Variants in LDHC observed in about 807,000 individuals in gnomAD.
LDHC encodes L-lactate dehydrogenase C chain.
A neutral mutation model predicts 30.2 loss-of-function variants in LDHC; 20 were observed. That is an observed-to-expected ratio of 0.66 (90% CI 0.47 to 0.96). The LOEUF is 0.96. Ranked by LOEUF, LDHC falls within the 40% of genes least tolerant of loss-of-function variation. LDHC has a pLI of 0.00. For missense variants in LDHC, 362 were observed against 394.9 expected, an observed-to-expected ratio of 0.92 and a Z score of 0.71; for synonymous variants, 139 against 132.7, an observed-to-expected ratio of 1.05 and a Z score of -0.32.
At chr11:18,415,039 A>G (rs1222191990) in intron 2 of LDHC, 145 bp from the exon 3 acceptor site, 2 of 516,474 alleles carry the variant, frequency 3.9e-6, no homozygotes, top group African/African-American at 3.9e-5. Context: ...TCGGTCACCC[A>G]GGCTCATTGA....
chr11:18,450,922 C>T, intron 7 of LDHC, 41 bp from the exon 8 acceptor site: 1 of 1,444,514 alleles, frequency 6.9e-7, no homozygotes, highest in Non-Finnish European at 9.5e-7. Context: ...GCTGCTTTTC[C>T]ATATCAGGTT....
At chr11:18,439,703 G>A (rs948275801) in intron 6 of LDHC, among the ~76,000 whole-genome samples, 1 of 150,750 alleles carries the variant, frequency 6.6e-6, no homozygotes, top group Non-Finnish European at 1.5e-5. Context: ...GGCCAGGCAT[G>A]GTGGCTCACG....
intron 6 of LDHC, among the ~76,000 whole-genome samples, chr11:18,440,144 CAA>C (rs35749455): frequency 1.7e-4 from 14 of 83,018 alleles, no homozygotes; most frequent in South Asian, 4.0e-4. Flanking sequence ...TACTAAAATA[CAA>C]AAAAAAAAAA....
At chr11:18,424,941 G>C (rs1848135266) in intron 3 of LDHC, among the ~76,000 whole-genome samples, 2 of 152,298 alleles carry the variant, frequency 1.3e-5, no homozygotes, top group South Asian at 4.1e-4. Context: ...CTGGGAGGCG[G>C]AAGTTGCAGT....
At chr11:18,425,596 A>G (rs1175926124) in intron 3 of LDHC, among the ~76,000 whole-genome samples, 2 of 151,978 alleles carry the variant, frequency 1.3e-5, no homozygotes, top group African/African-American at 4.8e-5. Context: ...TTGAGTGTAT[A>G]TTTCTTATAT....
At chr11:18,442,657 TCTC>T (rs1848487272) in intron 6 of LDHC, among the ~76,000 whole-genome samples, 3 of 119,878 alleles carry the variant, frequency 2.5e-5, no homozygotes, top group Non-Finnish European at 3.7e-5. Flanking sequence ...TCTTTCTCTC[TCTC>T]TTTTTTTTTT....
intron 3 of LDHC, among the ~76,000 whole-genome samples, chr11:18,416,094 T>C (rs1045028548): frequency 3.3e-5 from 5 of 152,242 alleles, no homozygotes; most frequent in African/African-American, 1.2e-4. Flanking sequence ...ATTGAATCTC[T>C]TCTATTAATG....
rs779414555 is a variant in LDHC, at chr11:18,412,768, A to T, written c.51A>T (p.Glu17Asp). 1.3e-5 allele frequency: 21 copies of T among 1,614,034 alleles called. No homozygotes were observed. The South Asian group carries it at 1.3e-4, about 10-fold the overall frequency. Reference sequence around the variant, plus strand: ...TTGAGAAGCTAATTGAGGATGATGAAAACTCCCAGTGTAAAATTACTATTG... The same window carrying T: ...TTGAGAAGCTAATTGAGGATGATGATAACTCCCAGTGTAAAATTACTATTG... Reference protein sequence around the residue: ...QLIEKLIEDDENSQCKITIVG... With the variant: ...QLIEKLIEDDDNSQCKITIVG... The change falls in exon 2 of 8, where the codon GAA becomes GAT. Residue 17 changes from glutamate to aspartate, a missense_variant. By Grantham distance (45) the Glu-to-Asp change is conservative. Transcript: ENST00000541669.
rs1404743287 is a variant in LDHC at position 18,434,861 on chromosome 11, C to T, written c.540C>T (p.Val180=). The T allele has an allele frequency of 6.2e-7, 1 of 1,612,918 alleles. No homozygotes were observed. The highest frequency in any genetic ancestry group is 8.5e-7 in the Non-Finnish European group (1 of 1,178,934). The part of the protein sequence containing the change: ...FRYLIGEKLG[V]HPTSCHGWII... ...ACCTAATTGGAGAAAAGTTGGGTGT[C>T]CACCCCACAAGCTGCCATGGTTGGA... is the stretch of plus-strand genomic sequence containing the variant. The change falls in exon 5 of 8, where the codon GTC becomes GTT. Residue 180 remains valine (V), a synonymous_variant. Transcript: ENST00000541669.
chr11:18,429,828 T>A lies in LDHC; in HGVS notation c.336T>A (p.Arg112=). ...EGETRLALVQ[R]NVAIMKSIIP... ...AAACTCGCCTTGCCCTGGTCCAACG[T>A]AATGTGGCTATAATGAAATCAATCA... The change falls in exon 4 of 8, where the codon CGT becomes CGA. Residue 112 remains arginine (R), a synonymous_variant. Transcript: ENST00000541669. The A allele has an allele frequency of 6.2e-7, 1 of 1,611,824 alleles. No individual in the cohort carries two copies. Among genetic ancestry groups the A allele is most frequent in the South Asian group, 1.1e-5 (1 of 91,006 alleles).
intron 3 of LDHC, among the ~76,000 whole-genome samples, chr11:18,422,624 A>C (rs1848084365): frequency 6.6e-6 from 1 of 151,972 alleles, no homozygotes; most frequent in Non-Finnish European, 1.5e-5. Context: ...GCTATTATTT[A>C]CAATATCATA....
intron 3 of LDHC, among the ~76,000 whole-genome samples, chr11:18,425,685 A>G (rs1246029877): frequency 1.3e-5 from 2 of 151,932 alleles, no homozygotes; most frequent in African/African-American, 4.8e-5. Flanking sequence ...CACGCCTGTA[A>G]TCCCAGTACT....
chr11:18,415,354 A>G, intron 3 of LDHC, 53 bp downstream of exon 3: 2 of 928,634 alleles, frequency 2.2e-6, no homozygotes, highest in South Asian at 1.5e-5. Flanking sequence ...AAAGTAATAA[A>G]TTTTACCAAA....
At chr11:18,417,521 G>A (rs1867044883) in intron 3 of LDHC, among the ~76,000 whole-genome samples, 1 of 152,112 alleles carries the variant, frequency 6.6e-6, no homozygotes, top group Non-Finnish European at 1.5e-5. Flanking sequence ...ACCCTTCTGT[G>A]TAGCTGGGAC....
At chr11:18,436,553 C>A (rs1848358229) in intron 5 of LDHC, among the ~76,000 whole-genome samples, 1 of 122,782 alleles carries the variant, frequency 8.1e-6, no homozygotes, top group African/African-American at 3.1e-5. Flanking sequence ...ATGGTGTGAT[C>A]TCGGCTCACC....
intron 3 of LDHC, among the ~76,000 whole-genome samples, chr11:18,420,493 A>G (rs1176261750): frequency 6.6e-6 from 1 of 152,126 alleles, no homozygotes; most frequent in Non-Finnish European, 1.5e-5. Flanking sequence ...AATATTTTTA[A>G]TGTGCTGAGG....
chr11:18,427,167 T>G (rs1458675874), intron 3 of LDHC, among the ~76,000 whole-genome samples: 1 of 151,584 alleles, frequency 6.6e-6, no homozygotes, highest in African/African-American at 2.4e-5. Context: ...ACCAGCCTGG[T>G]CAAGATGGTG....
chr11:18,415,436 A>T (rs889837627), intron 3 of LDHC, 135 bp downstream of exon 3: 14 of 564,198 alleles, frequency 2.5e-5, no homozygotes, highest in Non-Finnish European at 3.4e-5. Context: ...TAGTTGATCA[A>T]TTTTTTTTGT....
At chr11:18,413,849 T>C (rs1273209828) in intron 2 of LDHC, among the ~76,000 whole-genome samples, 3 of 152,214 alleles carry the variant, frequency 2.0e-5, no homozygotes, top group Non-Finnish European at 2.9e-5. Context: ...TTGTATATAG[T>C]TCCGTACTCT....
Sources: gnomAD v4.1 joint callset for allele counts (sites outside exome capture counted in the v4.1 genomes callset) on GRCh38, gnomAD v4.1.1 for gene constraint, MANE v1.5 for transcripts, NCBI Gene and HGNC (gene_info 2026-07-23, HGNC 2026-07-21) for gene names.